CEMIP: variants seen among roughly 807,000 people sequenced by gnomAD.
The protein encoded by CEMIP is cell migration-inducing and hyaluronan-binding protein.
A neutral mutation model predicts 156.9 loss-of-function variants in CEMIP; 105 were observed. The ratio of observed to expected loss-of-function variants is 0.67; its 90% CI spans 0.57 to 0.79. CEMIP has a LOEUF of 0.79. Ranked by LOEUF, CEMIP falls within the 30% of genes least tolerant of loss-of-function variation. CEMIP has a pLI of 0.00. For missense variants in CEMIP, 1,457 were observed against 1,769.4 expected (o/e 0.82, Z 3.17); for synonymous variants, 676 against 668.4 (o/e 1.01, Z -0.17).
intron 19 of CEMIP, among the ~76,000 whole-genome samples, chr15:80,926,565 G>A (rs1243545895): frequency 2.0e-5 from 3 of 151,620 alleles, no homozygotes; most frequent in South Asian, 2.1e-4. Context: ...GACAGAGAGA[G>A]CAAGAGAGAG....
chr15:80,880,507 G>A (rs1351513591), intron 5 of CEMIP, among the ~76,000 whole-genome samples: 2 of 152,162 alleles, frequency 1.3e-5, no homozygotes, highest in Non-Finnish European at 2.9e-5. Flanking sequence ...CATGAGCTCA[G>A]TTCACCACAA....
At chr15:80,827,385 G>A (rs1897060268) in intron 1 of CEMIP, among the ~76,000 whole-genome samples, 1 of 152,162 alleles carries the variant, frequency 6.6e-6, no homozygotes, top group South Asian at 2.1e-4. Flanking sequence ...TAAACTTCCT[G>A]AAGTGGGCGG....
Position 80,929,007 on chromosome 15 carries a change from T to C in CEMIP, c.2457-12T>C, listed in dbSNP as rs1900800336. 1 of 1,614,082 alleles carries C rather than the reference T, an allele frequency of 6.2e-7. No homozygotes were observed. Among genetic ancestry groups the C allele is most frequent in the Admixed American group, 1.7e-5 (1 of 60,002 alleles). ...CTCTGGGCATCTCACCTTAAACATC[T>C]TCTCTCTACAGTGGTGGAACCTTCC... On this transcript the variant is annotated splice_polypyrimidine_tract_variant and intron_variant, in intron 20 of 29. Transcript: ENST00000394685.
chr15:80,884,052 A>G, intron 6 of CEMIP, 123 bp from the exon 7 acceptor site: 1 of 972,318 alleles, frequency 1.0e-6, no homozygotes. Flanking sequence ...TTCCTTCTTT[A>G]AGAATCACAG....
intron 10 of CEMIP, among the ~76,000 whole-genome samples, chr15:80,892,175 G>T (rs1160927900): frequency 6.6e-6 from 1 of 152,132 alleles, no homozygotes; most frequent in South Asian, 2.1e-4. Context: ...TACACAGTGG[G>T]TCCCGGCATA....
Position 80,881,089 on chromosome 15 carries a change from T to C in CEMIP, c.570T>C (p.Ile190=), listed in dbSNP as rs972241449. Residue 190 remains isoleucine (I), a synonymous_variant, in exon 6 of 30, where the codon ATT becomes ATC. Transcript: ENST00000394685. ...FERSWGHRGV[I]VHVIDPKSGT... ...GGAGCTGGGGCCACCGTGGAGTTAT[T>C]GTTCATGTCATCGACCCCAAATCAG... The C allele has an allele frequency of 6.2e-7, 1 of 1,614,222 alleles. No homozygotes were observed. The highest frequency in any genetic ancestry group is 1.1e-5 in the South Asian group (1 of 91,088).
intron 1 of CEMIP, among the ~76,000 whole-genome samples, chr15:80,846,862 G>A (rs1211067573): frequency 1.3e-5 from 2 of 152,112 alleles, no homozygotes; most frequent in Non-Finnish European, 2.9e-5. Flanking sequence ...GACAAGACTT[G>A]GGGGCTTTAC....
intron 1 of CEMIP, among the ~76,000 whole-genome samples, chr15:80,873,183 A>C (rs1436564008): frequency 2.0e-5 from 3 of 152,244 alleles, no homozygotes; most frequent in African/African-American, 7.2e-5. Context: ...CTAGGTAGCC[A>C]TGTGCCCAGA....
chr15:80,877,759 G>A (rs1455714613), intron 3 of CEMIP, among the ~76,000 whole-genome samples: 4 of 152,172 alleles, frequency 2.6e-5, no homozygotes, highest in Admixed American at 2.6e-4. Flanking sequence ...AAGTGCCTCT[G>A]CAATACCCAC....
chr15:80,920,410 G>A, intron 15 of CEMIP, 111 bp downstream of exon 15: 1 of 1,030,696 alleles, frequency 9.7e-7, no homozygotes, highest in African/African-American at 1.6e-5. Flanking sequence ...GGGCTCTGAG[G>A]AGCTTGGGCC....
intron 1 of CEMIP, among the ~76,000 whole-genome samples, chr15:80,872,746 T>C (rs925684396): frequency 1.5e-4 from 23 of 151,654 alleles, no homozygotes; most frequent in Middle Eastern, 3.4e-3. Flanking sequence ...ACCCAGGAGG[T>C]AGAGGTTGCA....
chr15:80,861,256 C>T (rs890514593), intron 1 of CEMIP, among the ~76,000 whole-genome samples: 13 of 152,168 alleles, frequency 8.5e-5, no homozygotes, highest in African/African-American at 3.1e-4. Flanking sequence ...CCCATTCCTC[C>T]TCCCTGTCCC....
At chr15:80,860,279 G>A (rs184595452) in intron 1 of CEMIP, among the ~76,000 whole-genome samples, 13 of 152,302 alleles carry the variant, frequency 8.5e-5, no homozygotes, top group African/African-American at 3.1e-4. Context: ...GGATCTTCTG[G>A]TTTTGAGAAC....
intron 1 of CEMIP, among the ~76,000 whole-genome samples, chr15:80,808,109 G>GT: frequency 6.6e-6 from 1 of 152,348 alleles, no homozygotes; most frequent in Middle Eastern, 3.4e-3. Context: ...GTAACCCTTT[G>GT]AAGTCAGGAG....
chr15:80,938,733 T>A (rs889767791), intron 25 of CEMIP, among the ~76,000 whole-genome samples: 1 of 152,232 alleles, frequency 6.6e-6, no homozygotes, highest in East Asian at 1.9e-4. Flanking sequence ...CACTAGGTTC[T>A]ATTCAATAGA....
rs539728390 is a variant in CEMIP at position 80,831,189 on chromosome 15, T to C, written c.-175-42349T>C. ...GCGTGTTTGAGAAAGAACTGGCTTT[T>C]GGTCTAGGTAGGAGGTAGAGAGCAC... On this transcript the variant is annotated intron_variant, in intron 1 of 29. Coordinates refer to ENST00000394685, the MANE Select transcript of CEMIP (RefSeq NM_001293298.2). Among the ~76,000 whole-genome samples the C allele has an allele frequency of 3.9e-5, 6 of 152,248 alleles. No homozygotes were observed. The South Asian group carries it at 1.0e-3, about 26-fold the overall frequency.
At chr15:80,789,754 G>A (rs1029172166) in intron 1 of CEMIP, among the ~76,000 whole-genome samples, 1 of 152,022 alleles carries the variant, frequency 6.6e-6, no homozygotes, top group African/African-American at 2.4e-5. Context: ...TGTTACAAAT[G>A]GTGACACATT....
intron 12 of CEMIP, among the ~76,000 whole-genome samples, chr15:80,902,748 G>T (rs1453438615): frequency 6.6e-6 from 1 of 152,246 alleles, no homozygotes; most frequent in South Asian, 2.1e-4. Context: ...ACGGAACAAA[G>T]AAAGATGCCA....
chr15:80,886,202 G>C (rs1206237456), intron 7 of CEMIP, among the ~76,000 whole-genome samples: 1 of 152,104 alleles, frequency 6.6e-6, no homozygotes, highest in Non-Finnish European at 1.5e-5. Flanking sequence ...TTCCCATAGA[G>C]AGATCAGCAG....
Sources: gnomAD v4.1 joint callset for allele counts (sites outside exome capture counted in the v4.1 genomes callset) on GRCh38, gnomAD v4.1.1 for gene constraint, MANE v1.5 for transcripts, NCBI Gene and HGNC (gene_info 2026-07-23, HGNC 2026-07-21) for gene names.